LMX1A: variants seen among roughly 807,000 people sequenced by gnomAD.
LMX1A encodes LIM homeobox transcription factor 1 alpha, also known as LIM homeobox transcription factor 1-alpha.
LMX1A carries 15 observed loss-of-function variants against 49.1 expected under a neutral mutation model. The observed-to-expected ratio is 0.31, with a 90% CI of 0.20 to 0.47. LMX1A has a LOEUF of 0.47. LMX1A is among the 20% of genes least tolerant of loss of function. The probability of loss-of-function intolerance (pLI) is 1.00; values close to 1 mark genes in which losing one functional copy is unlikely to be tolerated. For synonymous variants in LMX1A, 167 were observed against 185.7 expected, an observed-to-expected ratio of 0.90 and a Z score of 0.82; for missense variants, 372 against 475.8, an observed-to-expected ratio of 0.78 and a Z score of 2.03.
rs1038203810 is a variant in LMX1A at position 165,311,382 on chromosome 1, T to A, written c.263+41694A>T. 2.0e-5 allele frequency among the ~76,000 whole-genome samples: 3 copies of A among 152,200 alleles called. No homozygotes were observed. The East Asian group carries it at 5.8e-4, about 29-fold the overall frequency. On this transcript the variant is annotated intron_variant, in intron 3 of 8. Coordinates refer to ENST00000342310, the MANE Select transcript of LMX1A (RefSeq NM_177398.4). The stretch of plus-strand genomic sequence containing the variant: ...GTGTGACAAGAAGCCTCCTCTCAAC[T>A]GGATAGTGAAATCATCAGAAGTTCC...
Position 165,237,367 on chromosome 1 carries a change from G to A in LMX1A, c.496+12041C>T, listed in dbSNP as rs531859939. ...CTCTCCCAAGTAGCTGGGACTACAG[G>A]TGCCCACCACCACACCCGGCTAATT... is the stretch of plus-strand genomic sequence containing the variant. On this transcript the variant is annotated intron_variant, in intron 4 of 8. Coordinates refer to ENST00000342310, the MANE Select transcript of LMX1A (RefSeq NM_177398.4). Among the ~76,000 whole-genome samples, 12 of 152,204 alleles carry A rather than the reference G, an allele frequency of 7.9e-5. No individual in the cohort carries two copies. In the South Asian group the frequency reaches 1.9e-3, roughly 24 times the overall value.
chr1:165,292,873 C>T (rs1654515950), intron 3 of LMX1A, among the ~76,000 whole-genome samples: 1 of 152,124 alleles, frequency 6.6e-6, no homozygotes, highest in South Asian at 2.1e-4. Flanking sequence ...AATCCCAGCA[C>T]TTTGGGAAGC....
chr1:165,352,886 C>G (rs1476864100), intron 3 of LMX1A, among the ~76,000 whole-genome samples, 190 bp downstream of exon 3: 1 of 152,284 alleles, frequency 6.6e-6, no homozygotes, highest in African/African-American at 2.4e-5. Flanking sequence ...CTGCTGCGCG[C>G]ACCCGCGCGG....
At position 165,283,944 on chromosome 1, in the gene LMX1A, G is replaced by A. The variant is rs1476391032; in HGVS notation, c.264-34304C>T. On this transcript the variant is annotated intron_variant, in intron 3 of 8. Coordinates refer to ENST00000342310, the MANE Select transcript of LMX1A (RefSeq NM_177398.4). ...TGCTGGGAGGCAGAAGAAAGAAATT[G>A]CTGAATACTCATGGCCTGGACTGGC... Among the ~76,000 whole-genome samples, 4 of 152,154 alleles carry A rather than the reference G, an allele frequency of 2.6e-5. No homozygotes were observed. In the East Asian group the frequency reaches 7.7e-4, roughly 29 times the overall value.
intron 4 of LMX1A, among the ~76,000 whole-genome samples, chr1:165,229,416 C>T (rs765667513): frequency 1.3e-5 from 2 of 152,186 alleles, no homozygotes; most frequent in African/African-American, 4.8e-5. Context: ...AACTCCTTCA[C>T]GTGTTCCCAA....
At chr1:165,275,201 C>A (rs1278905214) in intron 3 of LMX1A, among the ~76,000 whole-genome samples, 1 of 152,210 alleles carries the variant, frequency 6.6e-6, no homozygotes, top group South Asian at 2.1e-4. Context: ...GAACTCAACT[C>A]TTCCCAATTT....
Position 165,300,191 on chromosome 1 carries a change from C to T in LMX1A, c.264-50551G>A, listed in dbSNP as rs113917741. Among the ~76,000 whole-genome samples the T allele has an allele frequency of 9.0e-4, 137 of 152,244 alleles. 1 individual carries two copies. The highest frequency in any genetic ancestry group is 3.2e-3 in the African/African-American group (133 of 41,560). ...ACCCCTACAACTCTCAGCTGAAATC[C>T]GGAGCATTCACCAAATCATTTTGAG... On this transcript the variant is annotated intron_variant, in intron 3 of 8. Coordinates refer to ENST00000342310, the MANE Select transcript of LMX1A (RefSeq NM_177398.4).
rs768850154 is a variant in LMX1A, at chr1:165,205,914, C to T, written c.938G>A (p.Arg313Gln). 30 of 1,613,852 alleles carry T rather than the reference C, an allele frequency of 1.9e-5. No homozygotes were observed. Among genetic ancestry groups the T allele is most frequent in the Middle Eastern group, 3.3e-4 (2 of 6,052 alleles). ...EQSVYSSDPF[R>Q]QGLTPPQMPG... ...CATCTGGGGTGGGGTGAGACCCTGT[C>T]GGAAGGGATCTGAGCTGTAGACACT... The change falls in exon 8 of 9, where the codon CGA (arginine) becomes CAA (glutamine). Residue 313 changes from arginine (R) to glutamine (Q), a missense_variant. Arg to Gln is a conservative substitution (Grantham distance 43). This residue lies in a region of LMX1A where 127 missense variants were observed against 138.0 expected (regional missense o/e 0.92). Transcript: ENST00000342310.
At chr1:165,261,430 T>C (rs1456273243) in intron 3 of LMX1A, among the ~76,000 whole-genome samples, 2 of 152,120 alleles carry the variant, frequency 1.3e-5, no homozygotes, top group African/African-American at 2.4e-5. Context: ...CTCTTGTGCA[T>C]TGTTAGTGGG....
chr1:165,327,990 A>G (rs181923954), intron 3 of LMX1A, among the ~76,000 whole-genome samples: 4 of 152,376 alleles, frequency 2.6e-5, no homozygotes, highest in African/African-American at 7.2e-5. Flanking sequence ...TCTATCTAAT[A>G]TGGAAACAAG....
intron 4 of LMX1A, among the ~76,000 whole-genome samples, chr1:165,248,825 G>C (rs542848128): frequency 6.6e-6 from 1 of 152,328 alleles, no homozygotes; most frequent in Admixed American, 6.5e-5. Flanking sequence ...GCAAGGGTTT[G>C]TGGTGCATGG....
intron 3 of LMX1A, among the ~76,000 whole-genome samples, chr1:165,285,434 G>A (rs968522699): frequency 6.6e-6 from 1 of 152,200 alleles, no homozygotes; most frequent in African/African-American, 2.4e-5. Context: ...AGCCCATTCT[G>A]CAAAGAAATC....
intron 7 of LMX1A, among the ~76,000 whole-genome samples, chr1:165,207,118 T>C (rs954231): frequency 0.26 from 39,892 of 152,000 alleles, 5,583 homozygotes; most frequent in South Asian, 0.33. Context: ...GGCAGAATCT[T>C]GGGGCCCACC....
intron 5 of LMX1A, among the ~76,000 whole-genome samples, chr1:165,211,711 T>A (rs12029324): frequency 0.12 from 18,485 of 152,148 alleles, 1,297 homozygotes; most frequent in East Asian, 0.3. Context: ...CCAACTAAAA[T>A]AGGAGTGTAC....
chr1:165,343,133 G>A (rs1296638915), intron 3 of LMX1A, among the ~76,000 whole-genome samples: 1 of 152,162 alleles, frequency 6.6e-6, no homozygotes, highest in Non-Finnish European at 1.5e-5. Context: ...TTTTCTATGA[G>A]CCAAGCATTG....
In LMX1A at chr1:165,338,521, G is replaced by C. The variant is rs1249669778; in HGVS notation, c.263+14555C>G. On this transcript the variant is annotated intron_variant, in intron 3 of 8. Transcript: ENST00000342310. ...TGTGTCCATGTTGCCATTTAAAAGA[G>C]TGCATTTCATTTGGCCCTTGCTCTT... Among the ~76,000 whole-genome samples the C allele has an allele frequency of 2.0e-5, 3 of 152,212 alleles. No individual in the cohort carries two copies. The East Asian group carries it at 5.8e-4, about 29-fold the overall frequency.
chr1:165,335,135 T>G (rs1432715003), intron 3 of LMX1A, among the ~76,000 whole-genome samples: 1 of 152,234 alleles, frequency 6.6e-6, no homozygotes, highest in Non-Finnish European at 1.5e-5. Context: ...AAATTAGGAA[T>G]GATTTATATT....
chr1:165,343,502 T>C (rs558862476), intron 3 of LMX1A, among the ~76,000 whole-genome samples: 2 of 152,272 alleles, frequency 1.3e-5, no homozygotes, highest in East Asian at 3.9e-4. Context: ...TCTTTAATTC[T>C]CTCAATAACT....
intron 4 of LMX1A, among the ~76,000 whole-genome samples, chr1:165,239,961 C>T (rs763543087): frequency 2.0e-4 from 31 of 152,132 alleles, no homozygotes; most frequent in Non-Finnish European, 3.5e-4. Context: ...AATTCCAAAA[C>T]GTGGGAATAG....
Sources: allele counts gnomAD v4.1 joint callset (sites outside exome capture counted in the v4.1 genomes callset), GRCh38; gene constraint gnomAD v4.1.1; regional missense constraint gnomAD v4.1.1; transcripts MANE v1.5; gene names NCBI Gene and HGNC (gene_info 2026-07-23, HGNC 2026-07-21).